Variants in FER1L6 observed in about 807,000 individuals in gnomAD.
FER1L6 encodes the protein fer-1 like family member 6, also known as fer-1-like protein 6.
Under a neutral mutation model 219.2 loss-of-function variants are expected in FER1L6, and 177 were observed. That is an observed-to-expected ratio of 0.81 (90% CI 0.71 to 0.91). The LOEUF (loss-of-function observed/expected upper bound fraction) is 0.91, where lower values mean the gene tolerates loss of function less well. Among genes scored for constraint, FER1L6 ranks in the 40% least tolerant of loss-of-function variants. FER1L6 has a pLI of 0.00. For missense variants in FER1L6, 2,153 were observed against 2,259.9 expected (o/e 0.95, Z 0.96); for synonymous variants, 768 against 824.3 (o/e 0.93, Z 1.17).
chr8:124,015,616 T>TGTA (rs1586593989), intron 15 of FER1L6, among the ~76,000 whole-genome samples: 3 of 128,608 alleles, frequency 2.3e-5, no homozygotes, highest in African/African-American at 5.7e-5. Flanking sequence ...TATATATATA[T>TGTA]TACTCCTGCT....
intron 1 of FER1L6, among the ~76,000 whole-genome samples, chr8:123,856,274 GTGTATATA>G (rs1816641891): frequency 9.6e-6 from 1 of 104,632 alleles, no homozygotes; most frequent in Non-Finnish European, 2.0e-5. Flanking sequence ...ATGTGTATAT[GTGTATATA>G]TGTGTGTGTG....
intron 6 of FER1L6, 63 bp downstream of exon 6, chr8:123,970,160 T>C: frequency 7.0e-7 from 1 of 1,422,930 alleles, no homozygotes; most frequent in Middle Eastern, 1.8e-4. Context: ...CATTGGGGAC[T>C]CTCTGGGACA....
chr8:123,856,615 C>T (rs901424007), intron 1 of FER1L6, among the ~76,000 whole-genome samples: 1 of 151,584 alleles, frequency 6.6e-6, no homozygotes, highest in Admixed American at 6.6e-5. Context: ...ATGCTTTTGA[C>T]AAGAGATTTC....
At chr8:124,094,554 C>G (rs949240099) in intron 34 of FER1L6, among the ~76,000 whole-genome samples, 10 of 152,082 alleles carry the variant, frequency 6.6e-5, no homozygotes, top group African/African-American at 2.2e-4. Flanking sequence ...GGCGCGATCT[C>G]AGCTCACTGC....
In FER1L6 at chr8:124,004,398, C is replaced by T. The variant is rs890379660; in HGVS notation, c.1700+1051C>T. On this transcript the variant is annotated intron_variant, in intron 13 of 40. Transcript: ENST00000522917. ...AATATTTCTTCCCCCATTTTGTATG[C>T]GAAGAGAATGAAGATGTTGTATGGC... Among the ~76,000 whole-genome samples, 5 of 152,232 alleles carry T rather than the reference C, an allele frequency of 3.3e-5. No homozygotes were observed. The East Asian group carries it at 7.7e-4, about 24-fold the overall frequency.
At chr8:124,052,731 G>A (rs1820104340) in intron 22 of FER1L6, among the ~76,000 whole-genome samples, 1 of 152,148 alleles carries the variant, frequency 6.6e-6, no homozygotes, top group Non-Finnish European at 1.5e-5. Flanking sequence ...GTTGCTGTGA[G>A]CCGAGATCGT....
chr8:124,009,442 G>C (rs370372805), intron 13 of FER1L6, among the ~76,000 whole-genome samples: 1 of 152,146 alleles, frequency 6.6e-6, no homozygotes, highest in Admixed American at 6.5e-5. Flanking sequence ...GAGCCCAGGG[G>C]AGGAGCCGGT....
At chr8:123,977,682 T>A in intron 10 of FER1L6, 73 bp downstream of exon 10, 2 of 1,423,590 alleles carry the variant, frequency 1.4e-6, no homozygotes, top group Non-Finnish European at 1.9e-6. Context: ...TTAAAAGGGG[T>A]GGGCTAGAGC....
chr8:124,117,052 G>A (rs763566849), intron 39 of FER1L6, among the ~76,000 whole-genome samples: 1 of 152,168 alleles, frequency 6.6e-6, no homozygotes. Context: ...AGCTAGGCAG[G>A]CTCTTAAAAA....
At chr8:123,889,398 G>A (rs1313976331) in intron 1 of FER1L6, among the ~76,000 whole-genome samples, 1 of 152,116 alleles carries the variant, frequency 6.6e-6, no homozygotes, top group Non-Finnish European at 1.5e-5. Context: ...CTCATTAGAT[G>A]CCTGAGTCAT....
rs760445782 is a variant in FER1L6, at chr8:124,097,253, A to AT, written c.4696-10dup. 2.6e-5 allele frequency: 41 copies of AT among 1,598,412 alleles called. No individual in the cohort carries two copies. Among genetic ancestry groups the AT allele is most frequent in the South Asian group, 1.2e-4 (11 of 90,532 alleles). The stretch of plus-strand genomic sequence containing the variant: ...GCCCCCTCCCAAAGCTAAAGAAGAT[A>AT]TTTTTTTTCTTAACAAGGGCCGCCT... On this transcript the variant is annotated splice_polypyrimidine_tract_variant and intron_variant, in intron 35 of 40. Transcript: ENST00000522917.
intron 1 of FER1L6, among the ~76,000 whole-genome samples, chr8:123,857,319 G>A (rs1049115555): frequency 6.6e-6 from 1 of 152,118 alleles, no homozygotes; most frequent in African/African-American, 2.4e-5. Flanking sequence ...AGACCAGCAT[G>A]GGTGACAGAG....
At chr8:124,012,348 G>T (rs1465956162) in intron 14 of FER1L6, among the ~76,000 whole-genome samples, 2 of 152,214 alleles carry the variant, frequency 1.3e-5, no homozygotes, top group African/African-American at 4.8e-5. Context: ...TGGTTGAGCT[G>T]GTCTTACTTC....
At chr8:123,874,982 G>A (rs924002303) in intron 1 of FER1L6, among the ~76,000 whole-genome samples, 12 of 152,046 alleles carry the variant, frequency 7.9e-5, no homozygotes, top group Non-Finnish European at 1.5e-4. Context: ...AGATCATGAC[G>A]TCAAGAGATA....
chr8:123,852,030 T>C lies in FER1L6; in HGVS notation c.-163T>C, dbSNP rs906154502. ...CTGACTTCAAAAGGCCATTCCACCA[T>C]TCCGTCAAGCCAGCTGCTTTAGAAC... On this transcript the variant is annotated 5_prime_UTR_variant, in exon 1 of 41. Coordinates refer to ENST00000522917, the MANE Select transcript of FER1L6 (RefSeq NM_001039112.2). The surrounding 1 kb of genome is among the most constrained non-coding windows in gnomAD (Gnocchi z 4.9). The C allele has an allele frequency of 6.6e-6, 1 of 152,214 alleles. No homozygotes were observed. The highest frequency in any genetic ancestry group is 2.4e-5 in the African/African-American group (1 of 41,452). The allele number at this position is 152,214 out of a possible 1,614,324, so 9.4% of individuals were successfully genotyped here.
chr8:123,861,186 A>G (rs899749834), intron 1 of FER1L6, among the ~76,000 whole-genome samples: 3 of 128,146 alleles, frequency 2.3e-5, no homozygotes, highest in African/African-American at 1.0e-4. Flanking sequence ...ATCCAGTTTC[A>G]GCTTTCTACG....
intron 1 of FER1L6, among the ~76,000 whole-genome samples, chr8:123,901,468 C>CT (rs942439044): frequency 1.3e-5 from 2 of 151,984 alleles, no homozygotes; most frequent in Non-Finnish European, 2.9e-5. Context: ...TTTCATTTAT[C>CT]TTTTTTTGTT....
At chr8:123,965,232 T>C (rs1430194200) in intron 3 of FER1L6, among the ~76,000 whole-genome samples, 1 of 152,242 alleles carries the variant, frequency 6.6e-6, no homozygotes, top group African/African-American at 2.4e-5. Flanking sequence ...AGATTTTTAC[T>C]AACTTAATCA....
chr8:124,007,269 T>G (rs1336048417), intron 13 of FER1L6, among the ~76,000 whole-genome samples: 5 of 151,918 alleles, frequency 3.3e-5, no homozygotes, highest in Non-Finnish European at 1.5e-5. Flanking sequence ...CAAATGTCTC[T>G]CTCTCTCTTT....
Sources: allele counts gnomAD v4.1 joint callset (sites outside exome capture counted in the v4.1 genomes callset), GRCh38; gene constraint gnomAD v4.1.1; non-coding constraint Gnocchi (gnomAD v3.1); transcripts MANE v1.5; gene names NCBI Gene and HGNC (gene_info 2026-07-23, HGNC 2026-07-21).